PCCA: variants seen among roughly 807,000 people sequenced by gnomAD.
PCCA encodes the protein propionyl-CoA carboxylase alpha chain, mitochondrial.
PCCA carries 74 observed loss-of-function variants against 101.3 expected under a neutral mutation model. The observed-to-expected ratio is 0.73, with a 90% CI of 0.61 to 0.89. The LOEUF is 0.89. Among genes scored for constraint, PCCA ranks in the 40% least tolerant of loss-of-function variants. The pLI is 0.00. For synonymous variants in PCCA, 294 were observed against 313.6 expected (o/e 0.94, Z 0.66); for missense variants, 891 against 907.0 (o/e 0.98, Z 0.23).
intron 6 of PCCA, among the ~76,000 whole-genome samples, chr13:100,192,740 C>T (rs2057821814): frequency 6.6e-6 from 1 of 152,098 alleles, no homozygotes; most frequent in Admixed American, 6.6e-5. Context: ...GAGGTGTTTT[C>T]CTAAATATTT....
chr13:100,189,731 A>G (rs1191551317), intron 6 of PCCA, among the ~76,000 whole-genome samples: 1 of 152,096 alleles, frequency 6.6e-6, no homozygotes, highest in African/African-American at 2.4e-5. Flanking sequence ...GCTGCTCTTG[A>G]ACTCCTGAAC....
intron 7 of PCCA, 63 bp from the exon 8 acceptor site, chr13:100,235,779 C>G (rs892022592): frequency 1.9e-6 from 2 of 1,067,840 alleles, no homozygotes; most frequent in East Asian, 2.4e-5. Flanking sequence ...TATATGACTG[C>G]CCTAAAGACA....
chr13:100,274,292 T>C (rs2063495406), intron 12 of PCCA, among the ~76,000 whole-genome samples: 1 of 152,230 alleles, frequency 6.6e-6, no homozygotes, highest in South Asian at 2.1e-4. Context: ...GCTTCTTTTT[T>C]CAGCATGGCA....
At chr13:100,354,467 T>G (rs1282233976) in intron 18 of PCCA, among the ~76,000 whole-genome samples, 1 of 150,544 alleles carries the variant, frequency 6.6e-6, no homozygotes, top group East Asian at 2.0e-4. Flanking sequence ...CATGGAAAAA[T>G]AGAGCAAACA....
chr13:100,508,345 C>T (rs550121677), intron 21 of PCCA, among the ~76,000 whole-genome samples: 3 of 152,168 alleles, frequency 2.0e-5, no homozygotes, highest in Non-Finnish European at 4.4e-5. Context: ...ATTTTTCCCT[C>T]GAAAAATGAG....
At chr13:100,099,678 T>TGG (rs2047102013) in intron 1 of PCCA, among the ~76,000 whole-genome samples, 1 of 152,036 alleles carries the variant, frequency 6.6e-6, no homozygotes. Context: ...TTTGTTTCCC[T>TGG]GTTTGCAGTG....
intron 16 of PCCA, among the ~76,000 whole-genome samples, chr13:100,314,434 T>C (rs550568866): frequency 2.6e-5 from 4 of 152,222 alleles, no homozygotes; most frequent in Non-Finnish European, 5.9e-5. Context: ...CCATTAGTGA[T>C]TAAGTCATTC....
In PCCA at chr13:100,102,786, A is replaced by T. The variant is rs2047388892; in HGVS notation, c.106-97A>T. On this transcript the variant is annotated intron_variant, in intron 1 of 23. Coordinates refer to ENST00000376285, the MANE Select transcript of PCCA (RefSeq NM_000282.4). Reference sequence around the variant, plus strand: ...GCCTAGAACTACATTTATTGATCAGACACGTTCGCTAGAACCTAACTGGAA... The same window carrying T: ...GCCTAGAACTACATTTATTGATCAGTCACGTTCGCTAGAACCTAACTGGAA... 4 of 787,454 alleles carry T rather than the reference A, an allele frequency of 5.1e-6. No homozygotes were observed. In the Admixed American group the frequency reaches 7.4e-5, roughly 15 times the overall value. 48.8% of individuals were successfully genotyped at this position (787,454 alleles called of 1,614,324 possible). A position where few individuals can be genotyped will look rare whatever the true frequency, so the allele number is the denominator to read the frequency against.
chr13:100,240,629 A>G (rs1316047574), intron 8 of PCCA, among the ~76,000 whole-genome samples: 1 of 152,066 alleles, frequency 6.6e-6, no homozygotes, highest in Non-Finnish European at 1.5e-5. Flanking sequence ...ATTTTGAAAA[A>G]TTTCAATCAT....
At chr13:100,232,351 C>CGTGCGCGT (rs2060529499) in intron 7 of PCCA, among the ~76,000 whole-genome samples, 1 of 131,180 alleles carries the variant, frequency 7.6e-6, no homozygotes, top group South Asian at 2.6e-4. Context: ...TGTGTGTATG[C>CGTGCGCGT]GTGTGTGTGT....
chr13:100,180,339 G>A (rs962292901), intron 6 of PCCA, among the ~76,000 whole-genome samples: 4 of 152,180 alleles, frequency 2.6e-5, no homozygotes, highest in Non-Finnish European at 5.9e-5. Flanking sequence ...TAGCATCATA[G>A]CTCTCTGTGA....
Position 100,530,260 on chromosome 13 carries a change from C to T in PCCA, c.*94C>T, listed in dbSNP as rs1245226855. ...GATTCAAGCATTATACAGGAACACC[C>T]CTGTGCAGCTACGTTTACGTCGTCA... On this transcript the variant is annotated 3_prime_UTR_variant, in exon 24 of 24. Transcript: ENST00000376285. 3 of 992,020 alleles carry T rather than the reference C, an allele frequency of 3.0e-6. No individual in the cohort carries two copies. The South Asian group carries it at 4.0e-5, about 13-fold the overall frequency. The allele number at this position is 992,020 out of a possible 1,614,324, so 61.5% of individuals were successfully genotyped here. A position where few individuals can be genotyped will look rare whatever the true frequency, so the allele number is the denominator to read the frequency against.
chr13:100,379,870 G>T (rs897010380), intron 19 of PCCA, among the ~76,000 whole-genome samples: 6 of 152,136 alleles, frequency 3.9e-5, no homozygotes, highest in Non-Finnish European at 8.8e-5. Flanking sequence ...GATGCAATTT[G>T]GGTGGGGACA....
chr13:100,425,585 G>A (rs754705424), intron 19 of PCCA, 48 bp from the exon 20 acceptor site: 2 of 1,310,666 alleles, frequency 1.5e-6, no homozygotes, highest in Admixed American at 1.7e-5. Context: ...CTTGAGATCA[G>A]TTTTCTGTCT....
intron 6 of PCCA, among the ~76,000 whole-genome samples, chr13:100,179,254 A>G (rs2056552468): frequency 6.6e-6 from 1 of 152,028 alleles, no homozygotes; most frequent in African/African-American, 2.4e-5. Context: ...TTACATACTG[A>G]CGAATAATAT....
chr13:100,395,527 T>C (rs2077002252), intron 19 of PCCA, among the ~76,000 whole-genome samples: 1 of 152,266 alleles, frequency 6.6e-6, no homozygotes, highest in Admixed American at 6.5e-5. Context: ...GGTTTCCATC[T>C]CTGTATTCTT....
chr13:100,155,111 A>G lies in PCCA; in HGVS notation c.414+19A>G, dbSNP rs531469612. On this transcript the variant is annotated intron_variant, in intron 5 of 23. Coordinates refer to ENST00000376285, the MANE Select transcript of PCCA (RefSeq NM_000282.4). ...CCAAGCTGTGAGTCTGAATGAATCTATCTACTGCAGCTGTTTCATATGTAG... is the reference window on the plus strand; with the variant it reads ...CCAAGCTGTGAGTCTGAATGAATCTGTCTACTGCAGCTGTTTCATATGTAG... 26 of 1,444,236 alleles carry G rather than the reference A, an allele frequency of 1.8e-5. No individual in the cohort carries two copies. Among genetic ancestry groups the G allele is most frequent in the African/African-American group, 4.2e-5 (3 of 71,706 alleles). 89.5% of individuals were successfully genotyped at this position (1,444,236 alleles called of 1,614,324 possible). A position where few individuals can be genotyped will look rare whatever the true frequency, so the allele number is the denominator to read the frequency against.
chr13:100,241,070 G>T (rs1166038851), intron 8 of PCCA, among the ~76,000 whole-genome samples: 2 of 152,094 alleles, frequency 1.3e-5, no homozygotes, highest in South Asian at 4.1e-4. Flanking sequence ...TTATACTAAA[G>T]ATTAGATTTT....
At chr13:100,185,861 C>T (rs766505404) in intron 6 of PCCA, among the ~76,000 whole-genome samples, 22 of 151,922 alleles carry the variant, frequency 1.4e-4, no homozygotes, top group Non-Finnish European at 1.8e-4. Context: ...TGGTGAGGCT[C>T]GTCTCGAACT....
Sources: allele counts gnomAD v4.1 joint callset (sites outside exome capture counted in the v4.1 genomes callset), GRCh38; gene constraint gnomAD v4.1.1; transcripts MANE v1.5; gene names NCBI Gene and HGNC (gene_info 2026-07-23, HGNC 2026-07-21).